ESYT2: variants seen among roughly 807,000 people sequenced by gnomAD.
ESYT2 encodes extended synaptotagmin 2.
Under a neutral mutation model 107.2 loss-of-function variants are expected in ESYT2, and 54 were observed. The observed-to-expected ratio is 0.50, with a 90% CI of 0.40 to 0.63. ESYT2 has a LOEUF of 0.63. ESYT2 is among the 30% of genes least tolerant of loss of function. ESYT2 has a pLI of 0.00. For synonymous variants in ESYT2, 491 were observed against 434.1 expected, an observed-to-expected ratio of 1.13 and a Z score of -1.63; for missense variants, 1,020 against 1,094.5, an observed-to-expected ratio of 0.93 and a Z score of 0.96.
rs1837901959 is a variant in ESYT2 at position 158,759,962 on chromosome 7, G to A, written c.1323+96C>T. The A allele has an allele frequency of 3.2e-5, 34 of 1,078,320 alleles. No homozygotes were observed. The South Asian group carries it at 4.1e-4, about 13-fold the overall frequency. 66.8% of individuals were successfully genotyped at this position (1,078,320 alleles called of 1,614,324 possible). Reference sequence around the variant, plus strand: ...AATAATGAAAATTACTGCTATAATTGTTAAAAAATCAAGTAGCAACACAAC... The same window carrying A: ...AATAATGAAAATTACTGCTATAATTATTAAAAAATCAAGTAGCAACACAAC... On this transcript the variant is annotated intron_variant, in intron 12 of 22. Coordinates refer to ENST00000275418, the MANE Select transcript of ESYT2 (RefSeq NM_001367773.1).
intron 14 of ESYT2, among the ~76,000 whole-genome samples, chr7:158,752,343 G>C (rs1189191): frequency 6.6e-6 from 1 of 152,276 alleles, no homozygotes; most frequent in East Asian, 1.9e-4. Flanking sequence ...AGCCATGAAG[G>C]TGTTGACTCA....
At chr7:158,741,956 G>A (rs1012081063) in intron 17 of ESYT2, 60 bp from the exon 18 acceptor site, 2 of 1,482,320 alleles carry the variant, frequency 1.3e-6, no homozygotes, top group East Asian at 2.4e-5. Context: ...TCCTAATACT[G>A]GAACAGCCTG....
At chr7:158,734,839 T>C (rs1323969717) in intron 21 of ESYT2, among the ~76,000 whole-genome samples, 1 of 152,250 alleles carries the variant, frequency 6.6e-6, no homozygotes, top group African/African-American at 2.4e-5. Flanking sequence ...TTAGATCTTT[T>C]ACCACTTCTT....
chr7:158,737,081 G>T lies in ESYT2; in HGVS notation c.2366C>A (p.Ser789Ter). ...RRSGRRKTHV[S>*]KKTLNPVFDQ... ...AAACACTGGATTTAATGTTTTCTTTGACACGTGTGTTTTCCTCCTTCCTGA... is the reference window on the plus strand; with the variant it reads ...AAACACTGGATTTAATGTTTTCTTTTACACGTGTGTTTTCCTCCTTCCTGA... Residue 789 changes from serine (S) to a stop codon, truncating the protein, a stop_gained, in exon 20 of 23, where the codon TCA (serine) becomes TAA (stop). Transcript: ENST00000275418. LOFTEE classifies it high-confidence loss of function. 1 of 1,613,734 alleles carries T rather than the reference G, an allele frequency of 6.2e-7. No individual in the cohort carries two copies. The highest frequency in any genetic ancestry group is 1.1e-5 in the South Asian group (1 of 91,040).
At chr7:158,765,807 T>TA (rs886846603) in intron 8 of ESYT2, among the ~76,000 whole-genome samples, 12 of 149,554 alleles carry the variant, frequency 8.0e-5, no homozygotes, top group East Asian at 2.0e-4. Context: ...ATTGATAAAA[T>TA]AAAAAAAAAA....
chr7:158,819,047 A>G (rs1158696787), intron 1 of ESYT2, among the ~76,000 whole-genome samples: 1 of 152,262 alleles, frequency 6.6e-6, no homozygotes, highest in African/African-American at 2.4e-5. Flanking sequence ...AAACCATGGC[A>G]GTTAAAAATA....
chr7:158,750,094 G>A (rs1363087415), intron 14 of ESYT2, among the ~76,000 whole-genome samples: 1 of 152,116 alleles, frequency 6.6e-6, no homozygotes, highest in Non-Finnish European at 1.5e-5. Flanking sequence ...AAAGACAAAT[G>A]TAAAAGAACG....
intron 6 of ESYT2, among the ~76,000 whole-genome samples, chr7:158,774,990 A>T (rs1011727014): frequency 6.6e-6 from 1 of 152,190 alleles, no homozygotes; most frequent in Admixed American, 6.5e-5. Context: ...CAATTCAAAG[A>T]TGCTATTTAA....
At chr7:158,734,559 T>C (rs1404754415) in intron 21 of ESYT2, 88 bp from the exon 22 acceptor site, 3 of 1,205,556 alleles carry the variant, frequency 2.5e-6, no homozygotes, top group Non-Finnish European at 2.4e-6. Flanking sequence ...GAGGCCAAGA[T>C]GGGAGGATCT....
intron 6 of ESYT2, among the ~76,000 whole-genome samples, chr7:158,785,547 T>C (rs979408857): frequency 1.3e-5 from 2 of 152,252 alleles, no homozygotes; most frequent in Admixed American, 6.5e-5. Context: ...GACTACTATC[T>C]GTTAGGTATT....
chr7:158,753,861 C>T (rs1324554822), intron 13 of ESYT2, among the ~76,000 whole-genome samples: 4 of 152,146 alleles, frequency 2.6e-5, no homozygotes, highest in African/African-American at 9.7e-5. Context: ...AGGATGAGAA[C>T]TCTGCTGCCC....
Position 158,788,314 on chromosome 7 carries a change from T to C in ESYT2, c.657+31A>G, listed in dbSNP as rs748862235. ...CAGCTTAGAGAACTTTAGAAAACTG[T>C]CAAATTAAAACAAAAAAACAAAAAA... is the stretch of plus-strand genomic sequence containing the variant. On this transcript the variant is annotated intron_variant, in intron 5 of 22. Transcript: ENST00000275418. 6 of 1,572,864 alleles carry C rather than the reference T, an allele frequency of 3.8e-6. No homozygotes were observed. In the Admixed American group the frequency reaches 9.7e-5, roughly 25 times the overall value.
chr7:158,770,173 G>A (rs1838305656), intron 7 of ESYT2, among the ~76,000 whole-genome samples: 1 of 152,046 alleles, frequency 6.6e-6, no homozygotes, highest in South Asian at 2.1e-4. Context: ...TTACAGGTAT[G>A]AGCCACCGCG....
chr7:158,802,146 A>ATTT (rs1839664937), intron 1 of ESYT2, among the ~76,000 whole-genome samples: 4 of 152,226 alleles, frequency 2.6e-5, no homozygotes, highest in Non-Finnish European at 4.4e-5. Context: ...AAACATAAAA[A>ATTT]AATTGACAGC....
In ESYT2 at chr7:158,799,050, C is replaced by G; in HGVS notation, c.353G>C (p.Arg118Thr). The part of the protein sequence containing the change: ...PAWVHFPDTE[R>T]AEWLNKTVKH... ...TCTTACCTTATTTAGCCATTCTGCT[C>G]TTTCAGTGTCTGGAAAATGAACCTA... is the stretch of plus-strand genomic sequence containing the variant. Residue 118 changes from arginine to threonine, a missense_variant, in exon 2 of 23, where the codon AGA (arginine) becomes ACA (threonine). Arg to Thr is a moderately conservative substitution (Grantham distance 71). Transcript: ENST00000275418. 6.2e-7 allele frequency: 1 copy of G among 1,613,684 alleles called. No individual in the cohort carries two copies. The highest frequency in any genetic ancestry group is 8.5e-7 in the Non-Finnish European group (1 of 1,179,680).
In ESYT2 at chr7:158,764,711, T is replaced by TC. The variant is rs1326596510; in HGVS notation, c.1066dup (p.Glu356GlyfsTer9). ...TTCATTCCACTTTGGACTGAGGTTC[T>TC]CCTTGATGACTCTGCTTTGGAAGAT... On this transcript the variant is annotated frameshift_variant, in exon 9 of 23. Coordinates refer to ENST00000275418, the MANE Select transcript of ESYT2 (RefSeq NM_001367773.1). LOFTEE classifies it high-confidence loss of function. 6.2e-7 allele frequency: 1 copy of TC among 1,614,068 alleles called. No homozygotes were observed. The highest frequency in any genetic ancestry group is 8.5e-7 in the Non-Finnish European group (1 of 1,180,038).
At chr7:158,760,233 C>A in intron 11 of ESYT2, 86 bp from the exon 12 acceptor site, 1 of 1,214,898 alleles carries the variant, frequency 8.2e-7, no homozygotes, top group Non-Finnish European at 1.2e-6. Flanking sequence ...ATGTTCCATG[C>A]TGCTCACTAA....
rs1165136347 is a variant in ESYT2 at position 158,756,400 on chromosome 7, C to CT, written c.1419+3085dup. On this transcript the variant is annotated intron_variant, in intron 13 of 22. Coordinates refer to ENST00000275418, the MANE Select transcript of ESYT2 (RefSeq NM_001367773.1). ...GCTCAATTATCCACTCCAGGAAGGTCTTTAAGTGTCTTAAAAGAAAGTGAA... is the reference window on the plus strand; with the variant it reads ...GCTCAATTATCCACTCCAGGAAGGTCTTTTAAGTGTCTTAAAAGAAAGTGAA... 6.7e-3 allele frequency among the ~76,000 whole-genome samples: 1,024 copies of CT among 152,298 alleles called. 15 individuals carry two copies. The highest frequency in any genetic ancestry group is 0.024 in the African/African-American group (978 of 41,556).
chr7:158,744,699 T>C (rs1837339312), intron 16 of ESYT2, among the ~76,000 whole-genome samples: 1 of 152,162 alleles, frequency 6.6e-6, no homozygotes, highest in Non-Finnish European at 1.5e-5. Context: ...GCATTATCTC[T>C]GCAACAGGAA....
Sources: gnomAD v4.1 joint callset for allele counts (sites outside exome capture counted in the v4.1 genomes callset) on GRCh38, gnomAD v4.1.1 for gene constraint, MANE v1.5 for transcripts, NCBI Gene and HGNC (gene_info 2026-07-23, HGNC 2026-07-21) for gene names.